Variants in CEP63 observed in about 807,000 individuals in gnomAD.
CEP63 encodes the protein centrosomal protein of 63 kDa.
In CEP63, 84 loss-of-function variants were observed where a neutral mutation model predicts 89.1. The ratio of observed to expected loss-of-function variants is 0.94; its 90% CI spans 0.79 to 1.13. CEP63 has a LOEUF of 1.13. Ranked by LOEUF, CEP63 falls within the 50% of genes most tolerant of loss-of-function variation. The probability of loss-of-function intolerance (pLI) is 0.00; values close to 1 mark genes in which losing one functional copy is unlikely to be tolerated. For missense variants in CEP63, 838 were observed against 813.3 expected, an observed-to-expected ratio of 1.03 and a Z score of -0.37; for synonymous variants, 267 against 272.5, an observed-to-expected ratio of 0.98 and a Z score of 0.20.
chr3:134,544,974 G>A lies in CEP63; in HGVS notation c.556-612G>A, dbSNP rs567512254. ...GTGATCCTCCCATGCCACTGTGCTC[G>A]GGTAATTTTTGTATTTTATTTGTTT... On this transcript the variant is annotated intron_variant, in intron 6 of 14. Coordinates refer to ENST00000675561, the MANE Select transcript of CEP63 (RefSeq NM_001353108.3). 1.9e-3 allele frequency among the ~76,000 whole-genome samples: 283 copies of A among 151,970 alleles called. 1 individual carries two copies. Among genetic ancestry groups the A allele is most frequent in the Admixed American group, 4.0e-3 (61 of 15,258 alleles).
At chr3:134,769,827 C>G in the CEP63 span, among the ~76,000 whole-genome samples, 3 of 152,310 alleles carry the variant, frequency 2.0e-5, no homozygotes, top group South Asian at 6.2e-4. Context: ...ATGCTTACCT[C>G]GAAAGGGCAG....
At chr3:134,608,979 C>T in the CEP63 span, 2 of 949,754 alleles carry the variant, frequency 2.1e-6, no homozygotes, top group Non-Finnish European at 3.1e-6. Context: ...CTGGAGACTC[C>T]TCCTCAGTGG....
chr3:134,705,843 T>C, the CEP63 span, among the ~76,000 whole-genome samples: 2 of 152,348 alleles, frequency 1.3e-5, no homozygotes, highest in South Asian at 4.1e-4. Context: ...AATTTCTTCT[T>C]TTCTTCAATT....
the CEP63 span, among the ~76,000 whole-genome samples, chr3:134,767,753 GAAAGC>G: frequency 6.6e-6 from 1 of 152,134 alleles, no homozygotes; most frequent in Non-Finnish European, 1.5e-5. Flanking sequence ...TTTGTTTTTT[GAAAGC>G]AAACATTTTT....
chr3:134,644,020 T>C, the CEP63 span, among the ~76,000 whole-genome samples: 5 of 152,026 alleles, frequency 3.3e-5, no homozygotes, highest in Non-Finnish European at 7.4e-5. Flanking sequence ...AGAGACGGGG[T>C]TTCACCATGT....
At chr3:134,603,465 A>G in the CEP63 span, 1 of 928,162 alleles carries the variant, frequency 1.1e-6, no homozygotes, top group Middle Eastern at 3.4e-4. Flanking sequence ...GCAGAGGCCT[A>G]GAAGGGATTT....
chr3:134,706,391 A>G, the CEP63 span, among the ~76,000 whole-genome samples: 1 of 152,190 alleles, frequency 6.6e-6, no homozygotes, highest in African/African-American at 2.4e-5. Context: ...CCTCTCCTAC[A>G]AAATGGGTAT....
intron 3 of CEP63, among the ~76,000 whole-genome samples, chr3:134,508,288 G>A (rs936924193): frequency 9.2e-5 from 14 of 152,194 alleles, no homozygotes; most frequent in African/African-American, 2.9e-4. Flanking sequence ...AAAGTTTTCT[G>A]CTAATGCTGT....
At chr3:134,614,246 T>G in the CEP63 span, among the ~76,000 whole-genome samples, 1 of 152,108 alleles carries the variant, frequency 6.6e-6, no homozygotes, top group African/African-American at 2.4e-5. Flanking sequence ...CCTGAAGAGC[T>G]CCGACCAGCC....
At chr3:134,617,502 G>A in the CEP63 span, among the ~76,000 whole-genome samples, 2 of 152,152 alleles carry the variant, frequency 1.3e-5, no homozygotes, top group Non-Finnish European at 2.9e-5. Context: ...GACAACAACC[G>A]AGCACAGGTA....
At chr3:134,610,357 A>G in the CEP63 span, 23 of 1,612,922 alleles carry the variant, frequency 1.4e-5, no homozygotes, top group Non-Finnish European at 1.9e-5. Context: ...GTAGCCAGGC[A>G]CGGTCATACA....
the CEP63 span, among the ~76,000 whole-genome samples, chr3:134,689,838 A>G: frequency 6.6e-6 from 1 of 152,210 alleles, no homozygotes. Flanking sequence ...AACTAAGTCA[A>G]TGGAGAATCC....
chr3:134,491,210 G>A (rs1937508841), intron 1 of CEP63, among the ~76,000 whole-genome samples: 1 of 152,166 alleles, frequency 6.6e-6, no homozygotes, highest in African/African-American at 2.4e-5. Flanking sequence ...AGTGCCTGTT[G>A]TCCCACAGCC....
At chr3:134,560,006 C>T (rs1291548531) in intron 14 of CEP63, among the ~76,000 whole-genome samples, 1 of 152,220 alleles carries the variant, frequency 6.6e-6, no homozygotes, top group African/African-American at 2.4e-5. Flanking sequence ...TTTCCTGTCA[C>T]CAGCTGTGGC....
At chr3:134,580,260 A>G (rs1354312075) in intron 10 of CEP63, among the ~76,000 whole-genome samples, 1 of 152,028 alleles carries the variant, frequency 6.6e-6, no homozygotes, top group South Asian at 2.1e-4. Context: ...ATCCATTTAT[A>G]TAAAGTCAGG....
the CEP63 span, among the ~76,000 whole-genome samples, chr3:134,602,605 C>T: frequency 2.0e-5 from 3 of 152,194 alleles, no homozygotes; most frequent in South Asian, 2.1e-4. Context: ...ACCTGATCTG[C>T]GCCCAGGTCC....
chr3:134,535,500 C>CTTTTTTTTTTTTTTTTTT lies in CEP63; in HGVS notation c.442-1644_442-1643insTTTTTTTTTTTTTTTTTT, dbSNP rs869231096. On this transcript the variant is annotated intron_variant, in intron 5 of 14. Transcript: ENST00000675561. ...GTCATGTCATTGGACCTTTCCTTTC[C>CTTTTTTTTTTTTTTTTTT]TTTTTTTTTTTCCTATCTACGCTCA... The CTTTTTTTTTTTTTTTTTT allele has an allele frequency of 1.4e-5, 2 of 143,288 alleles. 1 individual carries two copies. Among genetic ancestry groups the CTTTTTTTTTTTTTTTTTT allele is most frequent in the African/African-American group, 5.2e-5 (2 of 38,696 alleles). The allele number at this position is 143,288 out of a possible 1,614,324, so 8.9% of individuals were successfully genotyped here. A position where few individuals can be genotyped will look rare whatever the true frequency, so the allele number is the denominator to read the frequency against.
At chr3:134,624,174 C>G in the CEP63 span, among the ~76,000 whole-genome samples, 1 of 152,134 alleles carries the variant, frequency 6.6e-6, no homozygotes, top group Non-Finnish European at 1.5e-5. Context: ...GAGCCCCTCT[C>G]CCCCACCTCC....
At chr3:134,566,342 A>G (rs1424259465), downstream of CEP63, among the ~76,000 whole-genome samples, 1 of 152,160 alleles carries the variant, frequency 6.6e-6, no homozygotes, top group Non-Finnish European at 1.5e-5. Flanking sequence ...GTAATATAAT[A>G]ATATTAAATG....
Sources: gnomAD v4.1 joint callset for allele counts (sites outside exome capture counted in the v4.1 genomes callset) on GRCh38, gnomAD v4.1.1 for gene constraint, MANE v1.5 for transcripts, NCBI Gene and HGNC (gene_info 2026-07-23, HGNC 2026-07-21) for gene names.